Variants in PHF10 observed in about 807,000 individuals in gnomAD.
The protein encoded by PHF10 is BRG1-associated factor 45a.
In PHF10, 51 loss-of-function variants were observed where a neutral mutation model predicts 68.5. That is an observed-to-expected ratio of 0.74 (90% CI 0.59 to 0.94). The LOEUF is 0.94. Ranked by LOEUF, PHF10 falls within the 40% of genes least tolerant of loss-of-function variation. PHF10 has a pLI of 0.00. For missense variants in PHF10, 460 were observed against 602.6 expected, an observed-to-expected ratio of 0.76 and a Z score of 2.48; for synonymous variants, 204 against 203.5, an observed-to-expected ratio of 1.00 and a Z score of -0.02.
At chr6:169,705,584 T>C (rs373616681) in intron 10 of PHF10, 32 bp downstream of exon 10, 3 of 1,110,748 alleles carry the variant, frequency 2.7e-6, no homozygotes, top group Non-Finnish European at 4.1e-6. Flanking sequence ...AATACGGTGG[T>C]TAAAATTTTA....
intron 2 of PHF10, among the ~76,000 whole-genome samples, 182 bp downstream of exon 2, chr6:169,720,823 T>C (rs528037707): frequency 6.6e-6 from 1 of 152,370 alleles, no homozygotes; most frequent in African/African-American, 2.4e-5. Context: ...TTTACTATCA[T>C]AAAATTGCTT....
chr6:169,722,557 G>C (rs1262561647), intron 1 of PHF10, among the ~76,000 whole-genome samples: 1 of 152,206 alleles, frequency 6.6e-6, no homozygotes, highest in Non-Finnish European at 1.5e-5. Flanking sequence ...ATTTCATCAA[G>C]TGTTTTAAAT....
At chr6:169,715,674 A>T in intron 6 of PHF10, 34 bp downstream of exon 6, 8 of 1,583,762 alleles carry the variant, frequency 5.1e-6, no homozygotes, top group Non-Finnish European at 6.0e-6. Flanking sequence ...GTAATAAACT[A>T]AGTTCAGGGG....
At chr6:169,706,727 T>TAC (rs55829134) in intron 9 of PHF10, among the ~76,000 whole-genome samples, 69 of 127,422 alleles carry the variant, frequency 5.4e-4, no homozygotes, top group East Asian at 2.0e-3. Flanking sequence ...CATACATACA[T>TAC]ACACACACAC....
At chr6:169,706,098 A>G (rs1221127284) in intron 9 of PHF10, among the ~76,000 whole-genome samples, 2 of 152,216 alleles carry the variant, frequency 1.3e-5, no homozygotes, top group African/African-American at 2.4e-5. Flanking sequence ...TTACTCTAAA[A>G]AGACCATTTT....
intron 7 of PHF10, 139 bp downstream of exon 7, chr6:169,714,594 A>C (rs1483746936): frequency 1.4e-5 from 9 of 651,670 alleles, no homozygotes; most frequent in Non-Finnish European, 2.5e-5. Flanking sequence ...ACAGAACCAG[A>C]GAAGAATAGC....
At chr6:169,710,704 A>G (rs1292735093) in intron 8 of PHF10, among the ~76,000 whole-genome samples, 1 of 152,218 alleles carries the variant, frequency 6.6e-6, no homozygotes, top group East Asian at 1.9e-4. Context: ...ACACAGCTTC[A>G]ACATCATTTT....
intron 1 of PHF10, among the ~76,000 whole-genome samples, chr6:169,722,253 C>G (rs1159123315): frequency 2.0e-5 from 3 of 152,140 alleles, no homozygotes; most frequent in African/African-American, 7.2e-5. Context: ...AATATATATT[C>G]TTTTTCAGTC....
At chr6:169,704,719 C>T (rs1323575898) in intron 11 of PHF10, 1 of 172,370 alleles carries the variant, frequency 5.8e-6, no homozygotes, top group East Asian at 1.9e-4. Context: ...ATTTATTCAA[C>T]TCTGTTCTAA....
At chr6:169,706,445 G>C (rs571330532) in intron 9 of PHF10, among the ~76,000 whole-genome samples, 1 of 151,978 alleles carries the variant, frequency 6.6e-6, no homozygotes, top group Non-Finnish European at 1.5e-5. Context: ...AAAAATACAC[G>C]AACACTCTGA....
intron 7 of PHF10, among the ~76,000 whole-genome samples, chr6:169,714,329 G>A (rs1040074180): frequency 2.0e-5 from 3 of 152,148 alleles, no homozygotes; most frequent in Non-Finnish European, 2.9e-5. Context: ...ACTCTAACCT[G>A]CACATGAATC....
Position 169,723,998 on chromosome 6 carries a change from T to TGCCGCCGCCGCCGCC in PHF10, c.-82_-68dup, listed in dbSNP as rs1161850118. On this transcript the variant is annotated 5_prime_UTR_variant, in exon 1 of 12. Transcript: ENST00000339209. ...GCCTTGTCCCGGCCGCCGCCGCCGC[T>TGCCGCCGCCGCCGCC]GCCGCCGCCGCCGCCGCCGCCGCCG... 3 of 325,816 alleles carry TGCCGCCGCCGCCGCC rather than the reference T, an allele frequency of 9.2e-6. No individual in the cohort carries two copies. Among genetic ancestry groups the TGCCGCCGCCGCCGCC allele is most frequent in the African/African-American group, 2.6e-5 (1 of 39,032 alleles). 20.2% of individuals were successfully genotyped at this position (325,816 alleles called of 1,614,324 possible).
At chr6:169,717,965 C>G (rs1789090401) in intron 3 of PHF10, 59 bp from the exon 4 acceptor site, 1 of 715,020 alleles carries the variant, frequency 1.4e-6, no homozygotes, top group Admixed American at 2.7e-5. Flanking sequence ...ACTTGTAAAA[C>G]TTTTAAAAGC....
intron 1 of PHF10, among the ~76,000 whole-genome samples, chr6:169,723,156 T>G (rs576880336): frequency 3.3e-5 from 5 of 152,248 alleles, no homozygotes; most frequent in African/African-American, 1.2e-4. Flanking sequence ...GCCTTCTAAT[T>G]TCAATCCAAT....
rs1408380105 is a variant in PHF10, at chr6:169,723,983, G to GGCCGCCGCCGCCGCTGCCGCCGCCGCC, written c.-79_-53dup. 2.2e-5 allele frequency: 11 copies of GGCCGCCGCCGCCGCTGCCGCCGCCGCC among 507,096 alleles called. No individual in the cohort carries two copies. The highest frequency in any genetic ancestry group is 1.6e-4 in the East Asian group (1 of 6,238). 31.4% of individuals were successfully genotyped at this position (507,096 alleles called of 1,614,324 possible). The stretch of plus-strand genomic sequence containing the variant: ...GCCGCCGTCGCCTCCGCCTTGTCCC[G>GGCCGCCGCCGCCGCTGCCGCCGCCGCC]GCCGCCGCCGCCGCTGCCGCCGCCG... On this transcript the variant is annotated 5_prime_UTR_variant, in exon 1 of 12. Coordinates refer to ENST00000339209, the MANE Select transcript of PHF10 (RefSeq NM_018288.4).
At chr6:169,710,674 G>A (rs1015888989) in intron 8 of PHF10, among the ~76,000 whole-genome samples, 3 of 151,914 alleles carry the variant, frequency 2.0e-5, no homozygotes, top group African/African-American at 2.4e-5. Context: ...ACAATTATCC[G>A]CTTCAGCTAC....
At chr6:169,714,442 C>A (rs749235002) in intron 7 of PHF10, among the ~76,000 whole-genome samples, 3 of 152,198 alleles carry the variant, frequency 2.0e-5, no homozygotes, top group Non-Finnish European at 4.4e-5. Flanking sequence ...GTGCTTTGGA[C>A]CACGGAACAT....
intron 3 of PHF10, 60 bp downstream of exon 3, chr6:169,718,728 G>A (rs574963125): frequency 7.3e-4 from 707 of 969,412 alleles, no homozygotes; most frequent in Admixed American, 2.3e-3. Flanking sequence ...TTCAGAAGTT[G>A]ACAGTGTATC....
chr6:169,707,263 T>C (rs1788823833), intron 9 of PHF10: 1 of 152,190 alleles, frequency 6.6e-6, no homozygotes, highest in South Asian at 2.1e-4. Flanking sequence ...AGTCTTGCAG[T>C]GTAGTTACCC....
Sources: allele counts gnomAD v4.1 joint callset (sites outside exome capture counted in the v4.1 genomes callset), GRCh38; gene constraint gnomAD v4.1.1; transcripts MANE v1.5; gene names NCBI Gene and HGNC (gene_info 2026-07-23, HGNC 2026-07-21).